Variants in KATNBL1 observed in about 807,000 individuals in gnomAD.
KATNBL1 encodes katanin regulatory subunit B1 like 1, also known as KATNB1-like protein 1.
A neutral mutation model predicts 44.7 loss-of-function variants in KATNBL1; 28 were observed. The observed-to-expected ratio is 0.63, with a 90% CI of 0.46 to 0.86. The LOEUF is 0.86. KATNBL1 is among the 40% of genes least tolerant of loss of function. The pLI, the probability that KATNBL1 is intolerant of heterozygous loss-of-function variation, is 0.00. For synonymous variants in KATNBL1, 78 were observed against 114.9 expected, an observed-to-expected ratio of 0.68 and a Z score of 2.06; for missense variants, 272 against 350.7, an observed-to-expected ratio of 0.78 and a Z score of 1.79.
rs763448635 is a variant in KATNBL1 at position 34,163,551 on chromosome 15, T to G, written c.117+9A>C. On this transcript the variant is annotated intron_variant, in intron 2 of 9. Coordinates refer to ENST00000256544, the MANE Select transcript of KATNBL1 (RefSeq NM_024713.3). ...TGTCTTATCTGTTTTCTAGAAACCATAGACTTACCTCCTTCATGTTCTTAT... is the reference window on the plus strand; with the variant it reads ...TGTCTTATCTGTTTTCTAGAAACCAGAGACTTACCTCCTTCATGTTCTTAT... 1.5e-5 allele frequency: 24 copies of G among 1,590,284 alleles called. No homozygotes were observed. The highest frequency in any genetic ancestry group is 2.0e-5 in the Non-Finnish European group (24 of 1,174,206).
At chr15:34,185,852 TTGGGCAA>T (rs1272666067) in intron 1 of KATNBL1, among the ~76,000 whole-genome samples, 1 of 152,168 alleles carries the variant, frequency 6.6e-6, no homozygotes, top group Non-Finnish European at 1.5e-5. Context: ...AGGCGGCCAC[TTGGGCAA>T]TCATGACAGA....
At chr15:34,165,481 A>G (rs146026793) in intron 1 of KATNBL1, among the ~76,000 whole-genome samples, 18 of 152,358 alleles carry the variant, frequency 1.2e-4, no homozygotes, top group Non-Finnish European at 1.9e-4. Context: ...TGGCAATAAC[A>G]TTTTGGAAAA....
intron 1 of KATNBL1, among the ~76,000 whole-genome samples, chr15:34,181,665 T>C (rs1468858734): frequency 4.6e-4 from 49 of 107,386 alleles, no homozygotes; most frequent in African/African-American, 5.1e-4. Context: ...CATATATATA[T>C]CCATATATAT....
rs953315112 is a variant in KATNBL1 at position 34,147,308 on chromosome 15, T to C, written c.609-19A>G. 1 of 1,595,944 alleles carries C rather than the reference T, an allele frequency of 6.3e-7. No homozygotes were observed. Among genetic ancestry groups the C allele is most frequent in the Non-Finnish European group, 8.6e-7 (1 of 1,163,902 alleles). ...CTGTAAACTAAAATAAATACCAAGT[T>C]ATAAAAATATGGATGGGCCATAATT... On this transcript the variant is annotated intron_variant, in intron 6 of 9. Transcript: ENST00000256544.
At chr15:34,172,601 A>G (rs1021507064) in intron 1 of KATNBL1, among the ~76,000 whole-genome samples, 1 of 152,182 alleles carries the variant, frequency 6.6e-6, no homozygotes, top group Non-Finnish European at 1.5e-5. Flanking sequence ...GAAAGTTTAC[A>G]TACTAAATGT....
intron 2 of KATNBL1, among the ~76,000 whole-genome samples, chr15:34,155,787 GT>G (rs1888619913): frequency 6.6e-6 from 1 of 152,168 alleles, no homozygotes; most frequent in Non-Finnish European, 1.5e-5. Context: ...ACCGCTGTTG[GT>G]TGTAATAGGT....
intron 1 of KATNBL1, among the ~76,000 whole-genome samples, chr15:34,194,005 G>A (rs781345944): frequency 4.0e-5 from 6 of 151,890 alleles, no homozygotes; most frequent in African/African-American, 4.8e-5. Context: ...GCAGTGGCAC[G>A]ATCTCGGCTC....
intron 1 of KATNBL1, among the ~76,000 whole-genome samples, chr15:34,193,214 C>A (rs1889929329): frequency 1.2e-4 from 2 of 17,290 alleles, no homozygotes; most frequent in African/African-American, 2.0e-4. Context: ...GAGACTCCGT[C>A]TCAAAAAAAA....
At chr15:34,177,180 TAC>T (rs1262053862) in intron 1 of KATNBL1, among the ~76,000 whole-genome samples, 14 of 152,188 alleles carry the variant, frequency 9.2e-5, no homozygotes, top group African/African-American at 3.4e-4. Flanking sequence ...TTAAAGACAA[TAC>T]AGTGTTTGCT....
intron 1 of KATNBL1, among the ~76,000 whole-genome samples, chr15:34,175,112 CAA>C (rs2140952990): frequency 1.7e-5 from 1 of 58,252 alleles, no homozygotes; most frequent in Admixed American, 2.4e-4. Flanking sequence ...GTAAAATAAG[CAA>C]CACACACACA....
Position 34,170,784 on chromosome 15 carries a change from C to T in KATNBL1, c.-14-7094G>A, listed in dbSNP as rs2140944495. Among the ~76,000 whole-genome samples the T allele has an allele frequency of 2.0e-5, 3 of 152,290 alleles. No individual in the cohort carries two copies. The South Asian group carries it at 6.2e-4, about 32-fold the overall frequency. On this transcript the variant is annotated intron_variant, in intron 1 of 9. Transcript: ENST00000256544. The stretch of plus-strand genomic sequence containing the variant: ...AACAGAGACCTCAGAAATAACACCA[C>T]ACATCTACAACCATCTGATCTTTGA...
At chr15:34,182,941 C>A (rs11857205) in intron 1 of KATNBL1, among the ~76,000 whole-genome samples, 1 of 151,956 alleles carries the variant, frequency 6.6e-6, no homozygotes, top group Non-Finnish European at 1.5e-5. Flanking sequence ...CCAAAACTCA[C>A]GGAAAGGATA....
chr15:34,160,884 C>G (rs773605669), intron 2 of KATNBL1, among the ~76,000 whole-genome samples: 8 of 152,254 alleles, frequency 5.3e-5, no homozygotes, highest in Non-Finnish European at 1.0e-4. Context: ...CTCAATCCCC[C>G]CTACTGGAGA....
At chr15:34,198,946 G>A (rs1890095605) in intron 1 of KATNBL1, among the ~76,000 whole-genome samples, 1 of 152,188 alleles carries the variant, frequency 6.6e-6, no homozygotes, top group Non-Finnish European at 1.5e-5. Context: ...CATTTAATCT[G>A]ATTGAAGGTT....
chr15:34,192,590 T>A (rs1293222064), intron 1 of KATNBL1, among the ~76,000 whole-genome samples: 1 of 152,088 alleles, frequency 6.6e-6, no homozygotes, highest in Non-Finnish European at 1.5e-5. Flanking sequence ...AATGACTGTA[T>A]ACGAAATCGA....
intron 2 of KATNBL1, among the ~76,000 whole-genome samples, chr15:34,161,856 G>A (rs2140927496): frequency 6.6e-6 from 1 of 152,214 alleles, no homozygotes; most frequent in East Asian, 1.9e-4. Context: ...TGGAAACTAG[G>A]GGCAAGGAGG....
At position 34,145,500 on chromosome 15, in the gene KATNBL1, A is replaced by AC. The variant is rs2076517023; in HGVS notation, c.789-10_789-9insG. On this transcript the variant is annotated splice_polypyrimidine_tract_variant and intron_variant, in intron 8 of 9. Coordinates refer to ENST00000256544, the MANE Select transcript of KATNBL1 (RefSeq NM_024713.3). ...TTAAAATTTGAATATTTCTAAAAGA[A>AC]AAAAAAGGAAGAAAAATGAGAAAGC... 7.0e-7 allele frequency: 1 copy of AC among 1,427,632 alleles called. No homozygotes were observed. Among genetic ancestry groups the AC allele is most frequent in the African/African-American group, 1.5e-5 (1 of 66,004 alleles). The allele number at this position is 1,427,632 out of a possible 1,614,324, so 88.4% of individuals were successfully genotyped here.
intron 1 of KATNBL1, among the ~76,000 whole-genome samples, chr15:34,198,689 TTA>T (rs1402038473): frequency 6.6e-6 from 1 of 152,178 alleles, no homozygotes; most frequent in Non-Finnish European, 1.5e-5. Context: ...AACCCATAGT[TTA>T]ATGTTAAACC....
At chr15:34,199,336 C>G (rs138645802) in intron 1 of KATNBL1, among the ~76,000 whole-genome samples, 3 of 152,278 alleles carry the variant, frequency 2.0e-5, no homozygotes, top group African/African-American at 7.2e-5. Flanking sequence ...ACTCTGGAGG[C>G]TAAGGCAGGA....
Sources: gnomAD v4.1 joint callset for allele counts (sites outside exome capture counted in the v4.1 genomes callset) on GRCh38, gnomAD v4.1.1 for gene constraint, MANE v1.5 for transcripts, NCBI Gene and HGNC (gene_info 2026-07-23, HGNC 2026-07-21) for gene names.